Variants in KCND3 observed in about 807,000 individuals in gnomAD.
KCND3 encodes the protein potassium voltage-gated channel subfamily D member 3, also known as A-type voltage-gated potassium channel KCND3.
In KCND3, 9 loss-of-function variants were observed where a neutral mutation model predicts 51.1. The observed-to-expected ratio is 0.18, with a 90% CI of 0.11 to 0.31. The LOEUF is 0.31. Ranked by LOEUF, KCND3 falls within the 10% of genes least tolerant of loss-of-function variation. KCND3 has a pLI of 1.00. For synonymous variants in KCND3, 349 were observed against 368.0 expected (o/e 0.95, Z 0.59); for missense variants, 526 against 903.8 (o/e 0.58, Z 5.36).
rs372878493 is a variant in KCND3 at position 111,931,854 on chromosome 1, G to A, written c.1106+49767C>T. On this transcript the variant is annotated intron_variant, in intron 2 of 7. Transcript: ENST00000302127. ...CTTAAGATTAGGAATGGGCCAGACTGACATGGAACTTTCCAGTGGCGGTCT... is the reference window on the plus strand; with the variant it reads ...CTTAAGATTAGGAATGGGCCAGACTAACATGGAACTTTCCAGTGGCGGTCT... Among the ~76,000 whole-genome samples the A allele has an allele frequency of 3.9e-5, 6 of 152,342 alleles. 1 individual carries two copies. The South Asian group carries it at 1.2e-3, about 32-fold the overall frequency.
At chr1:111,926,592 G>T (rs1671708565) in intron 2 of KCND3, among the ~76,000 whole-genome samples, 1 of 152,240 alleles carries the variant, frequency 6.6e-6, no homozygotes, top group Non-Finnish European at 1.5e-5. Context: ...CATTCCCCTT[G>T]TTCTCACGGT....
chr1:111,833,212 G>A (rs1376348745), intron 2 of KCND3, among the ~76,000 whole-genome samples: 1 of 152,250 alleles, frequency 6.6e-6, no homozygotes, highest in East Asian at 1.9e-4. Context: ...GAGGTGTCAA[G>A]CAAACTTGCT....
chr1:111,775,610 T>A lies in KCND3; in HGVS notation c.*467A>T. 1 of 182,258 alleles carries A rather than the reference T, an allele frequency of 5.5e-6. No individual in the cohort carries two copies. The highest frequency in any genetic ancestry group is 1.2e-5 in the Non-Finnish European group (1 of 84,392). 11.3% of individuals were successfully genotyped at this position (182,258 alleles called of 1,614,324 possible). A position where few individuals can be genotyped will look rare whatever the true frequency, so the allele number is the denominator to read the frequency against. On this transcript the variant is annotated 3_prime_UTR_variant, in exon 8 of 8. Transcript: ENST00000302127. ...CACCTTTTCCCATGAATAAATATTA[T>A]CCATTAAGAGCCTTGAAAAAGGTGC... is the stretch of plus-strand genomic sequence containing the variant.
chr1:111,823,661 G>A (rs1446873893), intron 2 of KCND3, among the ~76,000 whole-genome samples: 1 of 152,180 alleles, frequency 6.6e-6, no homozygotes, highest in Non-Finnish European at 1.5e-5. Context: ...GCCCTGCAAA[G>A]CATCTTTGTG....
chr1:111,818,285 G>C (rs775003654), intron 2 of KCND3, among the ~76,000 whole-genome samples: 25 of 152,324 alleles, frequency 1.6e-4, no homozygotes, highest in Non-Finnish European at 2.8e-4. Flanking sequence ...GCCAGGGCCC[G>C]AGGCTTCCAC....
At chr1:111,833,742 G>A (rs540134263) in intron 2 of KCND3, among the ~76,000 whole-genome samples, 1 of 152,288 alleles carries the variant, frequency 6.6e-6, no homozygotes, top group East Asian at 1.9e-4. Context: ...ATCTCCGGGG[G>A]TATCTCCTCA....
At chr1:111,892,047 A>G (rs1375479634) in intron 2 of KCND3, among the ~76,000 whole-genome samples, 1 of 152,124 alleles carries the variant, frequency 6.6e-6, no homozygotes. Context: ...CTGTGTCGTC[A>G]GTCTTACAAG....
At position 111,962,102 on chromosome 1, in the gene KCND3, C is replaced by A. The variant is rs138298748; in HGVS notation, c.1106+19519G>T. ...CCCCAGTGATGGCTAAGACTGGGCA[C>A]GCACATGTGCCAGGCCCTGGTCTAG... On this transcript the variant is annotated intron_variant, in intron 2 of 7. Transcript: ENST00000302127. 7.9e-5 allele frequency among the ~76,000 whole-genome samples: 12 copies of A among 152,344 alleles called. No individual in the cohort carries two copies. In the East Asian group the frequency reaches 2.1e-3, roughly 27 times the overall value.
At chr1:111,924,173 CTGAG>C (rs1260555055) in intron 2 of KCND3, among the ~76,000 whole-genome samples, 1 of 152,250 alleles carries the variant, frequency 6.6e-6, no homozygotes, top group Non-Finnish European at 1.5e-5. Flanking sequence ...GTGCCAGGCA[CTGAG>C]TGTGAGACCT....
At position 111,982,735 on chromosome 1, in the gene KCND3, C is replaced by A. The variant is rs1423543247; in HGVS notation, c.-9G>T. 6.2e-7 allele frequency: 1 copy of A among 1,600,858 alleles called. No individual in the cohort carries two copies. Among genetic ancestry groups the A allele is most frequent in the Non-Finnish European group, 8.5e-7 (1 of 1,178,796 alleles). ...GCAACTCCGGCCGCCATGGTGACTC[C>A]AGCTCTTGGGCCGGCAGCCGCGCGG... On this transcript the variant is annotated 5_prime_UTR_variant, in exon 2 of 8. Coordinates refer to ENST00000302127, the MANE Select transcript of KCND3 (RefSeq NM_001378969.1). This position sits in a 1 kb window ranked among gnomAD's most constrained non-coding sequence, Gnocchi z 8.5.
At chr1:111,876,811 G>A (rs1024691479) in intron 2 of KCND3, among the ~76,000 whole-genome samples, 20 of 152,218 alleles carry the variant, frequency 1.3e-4, no homozygotes, top group Non-Finnish European at 2.1e-4. Context: ...AGGAGGGGCT[G>A]GAGCTTTGGC....
chr1:111,798,225 C>T (rs887988864), intron 2 of KCND3, among the ~76,000 whole-genome samples: 1 of 152,132 alleles, frequency 6.6e-6, no homozygotes, highest in African/African-American at 2.4e-5. Context: ...ATCTGTGCTC[C>T]CATATGCACT....
chr1:111,896,938 T>C (rs1288724741), intron 2 of KCND3, among the ~76,000 whole-genome samples: 1 of 152,252 alleles, frequency 6.6e-6, no homozygotes, highest in African/African-American at 2.4e-5. Flanking sequence ...GATAGAGTTC[T>C]GGCACATAGG....
At chr1:111,823,304 T>C (rs989343005) in intron 2 of KCND3, among the ~76,000 whole-genome samples, 1 of 151,188 alleles carries the variant, frequency 6.6e-6, no homozygotes, top group African/African-American at 2.4e-5. Flanking sequence ...AATTTCATAG[T>C]TTTTTTTTCA....
rs547782151 is a variant in KCND3 at position 111,865,801 on chromosome 1, T to G, written c.1107-78695A>C. On this transcript the variant is annotated intron_variant, in intron 2 of 7. Transcript: ENST00000302127. ...CTCCCTGCAGCCTCTACGTCCTGGA[T>G]TCAACTGATCCACCTGCCTCAGCCT... is the stretch of plus-strand genomic sequence containing the variant. 2.6e-5 allele frequency among the ~76,000 whole-genome samples: 4 copies of G among 152,316 alleles called. No homozygotes were observed. The East Asian group carries it at 7.7e-4, about 29-fold the overall frequency.
At chr1:111,786,409 C>A (rs1664604221) in intron 3 of KCND3, among the ~76,000 whole-genome samples, 2 of 152,214 alleles carry the variant, frequency 1.3e-5, no homozygotes, top group African/African-American at 4.8e-5. Flanking sequence ...GTCTCCTGAT[C>A]ACCAACTGCA....
At chr1:111,957,412 G>A (rs549372390) in intron 2 of KCND3, among the ~76,000 whole-genome samples, 2 of 152,350 alleles carry the variant, frequency 1.3e-5, no homozygotes, top group African/African-American at 4.8e-5. Context: ...GGCTTCATAT[G>A]ATCCCGCTTC....
At chr1:111,980,649 A>C (rs773078404) in intron 2 of KCND3, among the ~76,000 whole-genome samples, 1 of 152,230 alleles carries the variant, frequency 6.6e-6, no homozygotes, top group Non-Finnish European at 1.5e-5. Context: ...ATTAGGCTCC[A>C]TGGTTTCTAA....
At chr1:111,803,743 TG>T (rs1665431273) in intron 2 of KCND3, among the ~76,000 whole-genome samples, 2 of 152,066 alleles carry the variant, frequency 1.3e-5, no homozygotes, top group South Asian at 4.1e-4. Flanking sequence ...GCCAGGTGGG[TG>T]GGTGCATGGG....
Sources: allele counts gnomAD v4.1 joint callset (sites outside exome capture counted in the v4.1 genomes callset), GRCh38; gene constraint gnomAD v4.1.1; non-coding constraint Gnocchi (gnomAD v3.1); transcripts MANE v1.5; gene names NCBI Gene and HGNC (gene_info 2026-07-23, HGNC 2026-07-21).